ISM1: variants seen among roughly 807,000 people sequenced by gnomAD.
ISM1 encodes the protein isthmin 1.
A neutral mutation model predicts 46.3 loss-of-function variants in ISM1; 25 were observed. That is an observed-to-expected ratio of 0.54 (90% CI 0.39 to 0.75). The LOEUF is 0.75. ISM1 is among the 30% of genes least tolerant of loss of function. The pLI, the probability that ISM1 is intolerant of heterozygous loss-of-function variation, is 0.00. For missense variants in ISM1, 536 were observed against 625.4 expected, an observed-to-expected ratio of 0.86 and a Z score of 1.52; for synonymous variants, 255 against 256.7, an observed-to-expected ratio of 0.99 and a Z score of 0.06.
the ISM1 span, among the ~76,000 whole-genome samples, chr20:13,315,580 TC>T: frequency 6.6e-6 from 1 of 152,012 alleles, no homozygotes; most frequent in Non-Finnish European, 1.5e-5. Flanking sequence ...GAATCCATTA[TC>T]ATAGTTACAG....
At chr20:13,261,162 C>T (rs543533707) in intron 1 of ISM1, among the ~76,000 whole-genome samples, 1 of 152,200 alleles carries the variant, frequency 6.6e-6, no homozygotes, top group East Asian at 1.9e-4. Context: ...GCCCGTAATC[C>T]CAGCACTTTG....
rs117937453 is a variant in ISM1, at chr20:13,275,196, A to G, written c.379-4438A>G. ...TATATTTATTTCTTTTCTCCCATTA[A>G]GACGGACTTAAAAATAGTCATGTAA... On this transcript the variant is annotated intron_variant, in intron 2 of 5. Coordinates refer to ENST00000262487, the MANE Select transcript of ISM1 (RefSeq NM_080826.2). Among the ~76,000 whole-genome samples the G allele has an allele frequency of 4.6e-5, 7 of 150,650 alleles. No homozygotes were observed. The East Asian group carries it at 1.3e-3, about 29-fold the overall frequency.
chr20:13,233,022 A>G (rs1224920503), intron 1 of ISM1, among the ~76,000 whole-genome samples: 2 of 139,904 alleles, frequency 1.4e-5, no homozygotes, highest in Admixed American at 1.4e-4. Context: ...TCGATGCTGG[A>G]CCAAAAAAAA....
the ISM1 span, among the ~76,000 whole-genome samples, chr20:13,321,890 C>T: frequency 6.6e-6 from 1 of 152,212 alleles, no homozygotes; most frequent in Non-Finnish European, 1.5e-5. Flanking sequence ...TAATTGGCTG[C>T]ATGCTAGCTA....
chr20:13,225,143 G>A lies in ISM1; in HGVS notation c.138+3229G>A, dbSNP rs73610458. Among the ~76,000 whole-genome samples the A allele has an allele frequency of 2.0e-3, 306 of 151,746 alleles. 7 individuals carry two copies. The East Asian group carries it at 0.04, about 20-fold the overall frequency. Reference sequence around the variant, plus strand: ...GCTGGGATTACAGGCGTGAGCCACCGCGCCCGGCCCATACTAGCTTTCTTA... The same window carrying A: ...GCTGGGATTACAGGCGTGAGCCACCACGCCCGGCCCATACTAGCTTTCTTA... On this transcript the variant is annotated intron_variant, in intron 1 of 5. Transcript: ENST00000262487.
At chr20:13,263,224 T>G (rs2123227688) in intron 1 of ISM1, among the ~76,000 whole-genome samples, 1 of 152,358 alleles carries the variant, frequency 6.6e-6, no homozygotes, top group Admixed American at 6.5e-5. Flanking sequence ...ACAGGCTTCA[T>G]GAGAGCAGCA....
chr20:13,256,109 C>G (rs2039926019), intron 1 of ISM1, among the ~76,000 whole-genome samples: 1 of 152,092 alleles, frequency 6.6e-6, no homozygotes, highest in South Asian at 2.1e-4. Context: ...CAAAGATCCT[C>G]TAGAGGACAG....
At chr20:13,244,704 C>A (rs1156397136) in intron 1 of ISM1, among the ~76,000 whole-genome samples, 1 of 152,202 alleles carries the variant, frequency 6.6e-6, no homozygotes, top group Non-Finnish European at 1.5e-5. Context: ...GTTTTGACCA[C>A]ATTTTCTATT....
chr20:13,249,313 C>T (rs550876783), intron 1 of ISM1, among the ~76,000 whole-genome samples: 5 of 152,268 alleles, frequency 3.3e-5, no homozygotes, highest in Admixed American at 6.5e-5. Context: ...GCTGGTGCAG[C>T]CATTCCAGGC....
the ISM1 span, among the ~76,000 whole-genome samples, chr20:13,325,830 TAAAAG>T: frequency 7.2e-5 from 11 of 152,208 alleles, no homozygotes; most frequent in African/African-American, 2.7e-4. Context: ...ACATACACTT[TAAAAG>T]AAAACATTGT....
At chr20:13,250,389 G>A (rs1425546698) in intron 1 of ISM1, among the ~76,000 whole-genome samples, 18 of 152,206 alleles carry the variant, frequency 1.2e-4, no homozygotes, top group Non-Finnish European at 1.5e-4. Flanking sequence ...ACGTACTGAA[G>A]ACGTGAGAAT....
chr20:13,262,249 C>T (rs1009784305), intron 1 of ISM1, among the ~76,000 whole-genome samples: 14 of 152,328 alleles, frequency 9.2e-5, no homozygotes, highest in Admixed American at 5.2e-4. Context: ...TGGAAGCCCC[C>T]TGGTGGCCAC....
Position 13,278,937 on chromosome 20 carries a change from C to A in ISM1, c.379-697C>A, listed in dbSNP as rs6033655. On this transcript the variant is annotated intron_variant, in intron 2 of 5. Transcript: ENST00000262487. ...GTCTAGGCTAAGCTTCCTTACATAG[C>A]GGTTAGAACATTCCAAGAGAATGAA... Among the ~76,000 whole-genome samples, 7 of 152,176 alleles carry A rather than the reference C, an allele frequency of 4.6e-5. No individual in the cohort carries two copies. The East Asian group carries it at 9.7e-4, about 21-fold the overall frequency.
chr20:13,261,124 T>C (rs1394325336), intron 1 of ISM1, among the ~76,000 whole-genome samples: 1 of 152,070 alleles, frequency 6.6e-6, no homozygotes, highest in African/African-American at 2.4e-5. Flanking sequence ...AGTAAGAAGC[T>C]CAAAGAAGGC....
chr20:13,322,031 T>A, the ISM1 span, among the ~76,000 whole-genome samples: 18,141 of 152,306 alleles, frequency 0.12, 1,539 homozygotes, highest in Non-Finnish European at 0.18. Context: ...TTATGGAAAT[T>A]GTGCATGTGT....
At chr20:13,318,308 C>A in the ISM1 span, among the ~76,000 whole-genome samples, 1 of 151,934 alleles carries the variant, frequency 6.6e-6, no homozygotes, top group Non-Finnish European at 1.5e-5. Flanking sequence ...GGCCAAAATC[C>A]AAAACATTGA....
intron 3 of ISM1, among the ~76,000 whole-genome samples, chr20:13,281,898 A>T (rs778613489): frequency 2.0e-4 from 30 of 152,194 alleles, no homozygotes; most frequent in Non-Finnish European, 3.7e-4. Flanking sequence ...AAAAATGCCA[A>T]TTCTGGGCTG....
chr20:13,302,729 C>G (rs1278571277), downstream of ISM1, among the ~76,000 whole-genome samples: 7 of 152,170 alleles, frequency 4.6e-5, no homozygotes, highest in Admixed American at 3.3e-4. Flanking sequence ...TGCTCTTTTG[C>G]CTTCCCCTGG....
At chr20:13,286,200 A>C (rs906151562) in intron 3 of ISM1, among the ~76,000 whole-genome samples, 2 of 152,066 alleles carry the variant, frequency 1.3e-5, no homozygotes, top group Non-Finnish European at 2.9e-5. Context: ...GTGAGTGCTC[A>C]TGTGCGTATG....
Sources: allele counts gnomAD v4.1 joint callset (sites outside exome capture counted in the v4.1 genomes callset), GRCh38; gene constraint gnomAD v4.1.1; transcripts MANE v1.5; gene names NCBI Gene and HGNC (gene_info 2026-07-23, HGNC 2026-07-21).